NDE1: variants seen among roughly 807,000 people sequenced by gnomAD.
NDE1 encodes nudE neurodevelopment protein 1, also known as nuclear distribution protein nudE homolog 1.
Under a neutral mutation model 43.4 loss-of-function variants are expected in NDE1, and 28 were observed. The observed-to-expected ratio is 0.65, with a 90% CI of 0.48 to 0.89. The LOEUF (loss-of-function observed/expected upper bound fraction) is 0.89. Ranked by LOEUF, NDE1 falls within the 40% of genes least tolerant of loss-of-function variation. The probability of loss-of-function intolerance (pLI) is 0.00; values close to 1 mark genes in which losing one functional copy is unlikely to be tolerated. For synonymous variants in NDE1, 184 were observed against 172.0 expected (o/e 1.07, Z -0.55); for missense variants, 441 against 434.1 (o/e 1.02, Z -0.14).
At chr16:15,644,744 G>T (rs960893185) in intron 1 of NDE1, among the ~76,000 whole-genome samples, 1 of 152,136 alleles carries the variant, frequency 6.6e-6, no homozygotes, top group Non-Finnish European at 1.5e-5. Flanking sequence ...AAACAAATAC[G>T]CTACTCTTCA....
At chr16:15,720,883 G>C (rs777170587) in intron 8 of NDE1, 3 of 1,613,910 alleles carry the variant, frequency 1.9e-6, no homozygotes, top group Non-Finnish European at 2.5e-6. Flanking sequence ...TGCTCGTCCC[G>C]GGCTTGGAGA....
chr16:15,675,344 G>A (rs867622959), intron 3 of NDE1, among the ~76,000 whole-genome samples: 1 of 151,652 alleles, frequency 6.6e-6, no homozygotes, highest in Non-Finnish European at 1.5e-5. Flanking sequence ...GATTATAGAC[G>A]CCCGCCACCA....
intron 1 of NDE1, among the ~76,000 whole-genome samples, chr16:15,658,663 TTA>T: frequency 6.6e-6 from 1 of 152,322 alleles, no homozygotes; most frequent in Middle Eastern, 3.4e-3. Context: ...TATTTTTTGT[TTA>T]TATGTTTTTG....
At chr16:15,683,317 A>G (rs1329284659) in intron 4 of NDE1, 2 of 152,192 alleles carry the variant, frequency 1.3e-5, no homozygotes, top group South Asian at 4.2e-4. Context: ...AATTATTGCA[A>G]TATTTTGCTG....
intron 1 of NDE1, among the ~76,000 whole-genome samples, chr16:15,653,383 C>T (rs1026911281): frequency 1.3e-5 from 2 of 152,178 alleles, no homozygotes; most frequent in African/African-American, 4.8e-5. Flanking sequence ...TGATGTTGCC[C>T]CAGTGATGTC....
chr16:15,687,650 G>A (rs1332592403), intron 5 of NDE1, 139 bp downstream of exon 5: 3 of 858,496 alleles, frequency 3.5e-6, no homozygotes, highest in Non-Finnish European at 5.8e-6. Flanking sequence ...ATCAGAGGGT[G>A]TCGGACTGCA....
At chr16:15,661,544 C>T (rs552143443) in intron 1 of NDE1, among the ~76,000 whole-genome samples, 9 of 151,940 alleles carry the variant, frequency 5.9e-5, no homozygotes, top group African/African-American at 1.9e-4. Flanking sequence ...ACTGCAGCCT[C>T]GACCTCTCCT....
chr16:15,650,367 T>C, intron 1 of NDE1, 73 bp downstream of exon 1: 2 of 208,116 alleles, frequency 9.6e-6, no homozygotes, highest in Non-Finnish European at 2.0e-5. Flanking sequence ...GAAAAGCTCC[T>C]CTGCCCCGCC....
At chr16:15,661,114 TTA>T (rs2037022245) in intron 1 of NDE1, among the ~76,000 whole-genome samples, 1 of 152,066 alleles carries the variant, frequency 6.6e-6, no homozygotes, top group African/African-American at 2.4e-5. Context: ...ACTGGGTTTG[TTA>T]TCTCTCCTTA....
intron 1 of NDE1, among the ~76,000 whole-genome samples, chr16:15,663,470 C>T (rs1472768916): frequency 2.0e-5 from 3 of 151,622 alleles, no homozygotes; most frequent in Admixed American, 6.6e-5. Context: ...TCTCGAACTC[C>T]TGCCCTCGTG....
intron 8 of NDE1, chr16:15,699,613 C>A (rs2151151186): frequency 1.6e-6 from 2 of 1,224,168 alleles, no homozygotes; most frequent in Non-Finnish European, 2.1e-6. Flanking sequence ...AAATTGAGAC[C>A]CTGTGAGACC....
intron 8 of NDE1, among the ~76,000 whole-genome samples, chr16:15,706,716 A>G (rs1287552656): frequency 2.0e-5 from 3 of 151,236 alleles, no homozygotes; most frequent in Admixed American, 6.6e-5. Flanking sequence ...AAAAAAAAAC[A>G]AAAAAAAATC....
In NDE1 at chr16:15,722,710, G is replaced by A. The variant is rs116216318; in HGVS notation, c.948-1481G>A. Among the ~76,000 whole-genome samples the A allele has an allele frequency of 7.2e-3, 1,093 of 152,220 alleles. 12 individuals are homozygous for A. Among genetic ancestry groups the A allele is most frequent in the African/African-American group, 0.026 (1,064 of 41,538 alleles). On this transcript the variant is annotated intron_variant, in intron 8 of 8. Coordinates refer to ENST00000396354, the MANE Select transcript of NDE1 (RefSeq NM_017668.3). Reference sequence around the variant, plus strand: ...TCAGGGAGGGGTAGGGAACCTGCAGGCATCTGGCATTTAGCCTCACTGTAC... The same window carrying A: ...TCAGGGAGGGGTAGGGAACCTGCAGACATCTGGCATTTAGCCTCACTGTAC...
Position 15,720,924 on chromosome 16 carries a change from A to G in NDE1, c.948-3267A>G, listed in dbSNP as rs145074004. The G allele has an allele frequency of 1.0e-4, 166 of 1,613,788 alleles. No individual in the cohort carries two copies. Among genetic ancestry groups the G allele is most frequent in the Non-Finnish European group, 1.4e-4 (164 of 1,180,006 alleles). Reference sequence around the variant, plus strand: ...TTCGAACTGGCCCTTGAGCGCCTGCATGTTGACTTCCAGCCGCAGTTTGGC... The same window carrying G: ...TTCGAACTGGCCCTTGAGCGCCTGCGTGTTGACTTCCAGCCGCAGTTTGGC... On this transcript the variant is annotated intron_variant, in intron 8 of 8. Coordinates refer to ENST00000396354, the MANE Select transcript of NDE1 (RefSeq NM_017668.3).
intron 8 of NDE1, chr16:15,718,481 G>T: frequency 6.5e-7 from 1 of 1,536,964 alleles, no homozygotes; most frequent in Non-Finnish European, 8.7e-7. Flanking sequence ...ACCCTCCCCC[G>T]CCTTAAAAGA....
At chr16:15,699,669 G>A (rs878955105) in intron 8 of NDE1, 12 of 1,313,526 alleles carry the variant, frequency 9.1e-6, no homozygotes, top group Non-Finnish European at 1.2e-5. Flanking sequence ...TCTGGGCCCC[G>A]GTGCTAGCCA....
intron 1 of NDE1, among the ~76,000 whole-genome samples, chr16:15,644,951 G>C (rs549023265): frequency 5.0e-4 from 59 of 119,130 alleles, no homozygotes; most frequent in African/African-American, 1.8e-3. Flanking sequence ...ACAAAGTCTT[G>C]CTTCATTGCC....
chr16:15,667,380 A>G lies in NDE1; in HGVS notation c.178A>G (p.Arg60Gly). ...GACGCAGCTGCAACAAATTGAAACC[A>G]GGAACAGAGACCTCCTGTCCGAAAA... ...LETQLQQIETRNRDLLSENNR... is the reference protein window; with the variant it reads ...LETQLQQIETGNRDLLSENNR... The change falls in exon 3 of 9, where the codon AGG becomes GGG. Residue 60 changes from arginine to glycine, a missense_variant. Transcript: ENST00000396354. 4 of 1,614,064 alleles carry G rather than the reference A, an allele frequency of 2.5e-6. No homozygotes were observed. Among genetic ancestry groups the G allele is most frequent in the Non-Finnish European group, 2.5e-6 (3 of 1,179,968 alleles).
intron 1 of NDE1, among the ~76,000 whole-genome samples, chr16:15,650,597 T>C (rs527993626): frequency 1.3e-5 from 2 of 152,228 alleles, no homozygotes; most frequent in Non-Finnish European, 2.9e-5. Context: ...CTTTCTGCGT[T>C]GGTCTCTCTC....
Sources: gnomAD v4.1 joint callset for allele counts (sites outside exome capture counted in the v4.1 genomes callset) on GRCh38, gnomAD v4.1.1 for gene constraint, MANE v1.5 for transcripts, NCBI Gene and HGNC (gene_info 2026-07-23, HGNC 2026-07-21) for gene names.